Variants in GCN1 observed in about 807,000 individuals in gnomAD.
GCN1 encodes GCN1 activator of EIF2AK4.
GCN1 carries 90 observed loss-of-function variants against 288.4 expected under a neutral mutation model. The observed-to-expected ratio is 0.31, with a 90% CI of 0.26 to 0.37. The LOEUF (loss-of-function observed/expected upper bound fraction) is 0.37. Ranked by LOEUF, GCN1 falls within the 10% of genes least tolerant of loss-of-function variation. The probability of loss-of-function intolerance (pLI) is 1.00; values close to 1 mark genes in which losing one functional copy is unlikely to be tolerated. For synonymous variants in GCN1, 1,386 were observed against 1,420.2 expected, an observed-to-expected ratio of 0.98 and a Z score of 0.54; for missense variants, 2,586 against 3,419.9, an observed-to-expected ratio of 0.76 and a Z score of 6.08.
intron 3 of GCN1, 32 bp downstream of exon 3, chr12:120,184,792 C>T (rs748621228): frequency 2.7e-5 from 40 of 1,502,812 alleles, no homozygotes; most frequent in East Asian, 9.0e-5. Context: ...GTACAAAGTG[C>T]TCCACATATG....
chr12:120,128,033 CA>C, intron 57 of GCN1, 59 bp from the exon 58 acceptor site: 1 of 1,585,276 alleles, frequency 6.3e-7, no homozygotes, highest in Non-Finnish European at 8.6e-7. Context: ...CCACGTTCTC[CA>C]ATTGGAGAAA....
chr12:120,190,516 C>T (rs1566323049), intron 1 of GCN1, 116 bp from the exon 2 acceptor site: 2 of 675,382 alleles, frequency 3.0e-6, no homozygotes, highest in South Asian at 3.3e-5. Flanking sequence ...TTCTCAACCT[C>T]CCCACTGGTG....
At chr12:120,172,231 C>T (rs999335969) in intron 14 of GCN1, among the ~76,000 whole-genome samples, 3 of 152,124 alleles carry the variant, frequency 2.0e-5, no homozygotes, top group African/African-American at 7.2e-5. Flanking sequence ...ATGTATTGAG[C>T]GTACATTTCT....
At chr12:120,147,961 G>A (rs189180866) in intron 37 of GCN1, among the ~76,000 whole-genome samples, 9 of 152,322 alleles carry the variant, frequency 5.9e-5, no homozygotes, top group Admixed American at 5.9e-4. Context: ...ATTCAGTTCT[G>A]TTGACCTCAT....
Position 120,131,226 on chromosome 12 carries a change from C to G in GCN1, c.7522G>C (p.Asp2508His). Residue 2508 changes from aspartate to histidine, a missense_variant, in exon 55 of 58, where the codon GAT becomes CAT. Physicochemically the swap from Asp to His is moderately conservative, Grantham distance 81. Coordinates refer to ENST00000300648, the MANE Select transcript of GCN1 (RefSeq NM_006836.2). ...CTGCTCAGGATCATTTCCTGAACAT[C>G]ACTGCTATATCTGCCGGCACAAAGT... ...GRLCAGRYSS[D>H]VQEMILSSAT... 1 of 1,614,202 alleles carries G rather than the reference C, an allele frequency of 6.2e-7. No individual in the cohort carries two copies. Among genetic ancestry groups the G allele is most frequent in the South Asian group, 1.1e-5 (1 of 91,088 alleles).
intron 2 of GCN1, among the ~76,000 whole-genome samples, chr12:120,185,426 T>A (rs917768790): frequency 6.6e-6 from 1 of 152,092 alleles, no homozygotes; most frequent in Admixed American, 6.5e-5. Context: ...GAGAGGGAGA[T>A]ACATGTAGAG....
chr12:120,153,072 C>A lies in GCN1; in HGVS notation c.4062+141G>T, dbSNP rs553821971. On this transcript the variant is annotated intron_variant, in intron 33 of 57. Coordinates refer to ENST00000300648, the MANE Select transcript of GCN1 (RefSeq NM_006836.2). This position sits in a 1 kb window ranked among gnomAD's most constrained non-coding sequence, Gnocchi z 4.4. ...TGACTATAAACCAGGCTCTCCCCTG[C>A]GAGAGGGGGTGAATCCTTAACAAGA... 9.0e-6 allele frequency: 6 copies of A among 663,694 alleles called. No homozygotes were observed. Among genetic ancestry groups the A allele is most frequent in the South Asian group, 5.8e-5 (3 of 51,918 alleles). 41.1% of individuals were successfully genotyped at this position (663,694 alleles called of 1,614,324 possible).
intron 24 of GCN1, among the ~76,000 whole-genome samples, chr12:120,159,220 C>T: frequency 6.6e-6 from 1 of 152,170 alleles, no homozygotes; most frequent in South Asian, 2.1e-4. Flanking sequence ...CACCTCTACG[C>T]AACAAGCCCA....
chr12:120,176,321 G>T, intron 9 of GCN1, 104 bp from the exon 10 acceptor site: 1 of 743,894 alleles, frequency 1.3e-6, no homozygotes. Flanking sequence ...CTGCTGTCTG[G>T]CCCTTCATCT....
rs1566320556 is a variant in GCN1, at chr12:120,184,871, T to G, written c.138A>C (p.Ala46=). The part of the protein sequence containing the change: ...CVAGKDLPEG[A]VKGLCKLFCL... ...AGAACAATTTGCAGAGCCCCTTCAC[T>G]GCTCCCTCTGGAAGATCTGAAACCA... Residue 46 remains alanine (A), a synonymous_variant, in exon 3 of 58, where the codon GCA becomes GCC. Transcript: ENST00000300648. 3.1e-6 allele frequency: 5 copies of G among 1,611,714 alleles called. No individual in the cohort carries two copies. The highest frequency in any genetic ancestry group is 4.2e-6 in the Non-Finnish European group (5 of 1,178,088).
At chr12:120,135,453 T>A (rs575070114) in intron 51 of GCN1, among the ~76,000 whole-genome samples, 12 of 151,934 alleles carry the variant, frequency 7.9e-5, no homozygotes, top group African/African-American at 2.9e-4. Context: ...AACCTCCGCC[T>A]CCCGGGTTTA....
At chr12:120,132,204 A>G (rs1323970282) in intron 53 of GCN1, among the ~76,000 whole-genome samples, 182 bp from the exon 54 acceptor site, 1 of 152,230 alleles carries the variant, frequency 6.6e-6, no homozygotes, top group Non-Finnish European at 1.5e-5. Flanking sequence ...TTGGGCTGCC[A>G]CTGGTATGGA....
rs1877928385 is a variant in GCN1 at position 120,161,580 on chromosome 12, G to T, written c.2346C>A (p.Ala782=). 1 of 1,611,664 alleles carries T rather than the reference G, an allele frequency of 6.2e-7. No homozygotes were observed. Among genetic ancestry groups the T allele is most frequent in the African/African-American group, 1.3e-5 (1 of 74,950 alleles). The change falls in exon 22 of 58, where the codon GCC becomes GCA. Residue 782 remains alanine, a synonymous_variant. Transcript: ENST00000300648. ...TGGCCTTTTTTATGCTGTCCTGCTG[G>T]GCACTGAAACACCAGAGTGGGTCAT... ...ELYDKSIIQS[A]QQDSIKKANM...
Position 120,155,676 on chromosome 12 carries a change from T to C in GCN1, c.3356A>G (p.Asp1119Gly). ...CAGAAGGTTCAGGCCATTCTTCTCA[T>C]CAGTATCAGGTGCTGGCAATACCAT... is the stretch of plus-strand genomic sequence containing the variant. Reference protein sequence around the residue: ...LHMVLPAPDTDEKNGLNLLRR... With the variant: ...LHMVLPAPDTGEKNGLNLLRR... Residue 1119 changes from aspartate to glycine, a missense_variant, in exon 29 of 58, where the codon GAT (aspartate) becomes GGT (glycine). This residue lies in a region of GCN1 where 332 missense variants were observed against 403.0 expected (regional missense o/e 0.82). Coordinates refer to ENST00000300648, the MANE Select transcript of GCN1 (RefSeq NM_006836.2). The surrounding 1 kb of genome is among the most constrained non-coding windows in gnomAD (Gnocchi z 4.9). 1 of 1,613,948 alleles carries C rather than the reference T, an allele frequency of 6.2e-7. No homozygotes were observed. The highest frequency in any genetic ancestry group is 8.5e-7 in the Non-Finnish European group (1 of 1,179,894).
chr12:120,161,653 A>G (rs1877931021), intron 21 of GCN1, 70 bp from the exon 22 acceptor site: 2 of 1,161,594 alleles, frequency 1.7e-6, no homozygotes, highest in African/African-American at 1.5e-5. Context: ...CCCGCCAGCC[A>G]TGCAATTCCA....
At position 120,144,826 on chromosome 12, in the gene GCN1, T is replaced by G. The variant is rs749212028; in HGVS notation, c.5165A>C (p.Glu1722Ala). ...DRSGAAQGLA[E>A]VMAGLGVEKL... ...CTCCACCCCCAAACCGGCCATGACC[T>G]CAGCCAACCCTGCAACAAAGGACAG... The change falls in exon 41 of 58, where the codon GAG (glutamate) becomes GCG (alanine). Residue 1722 changes from glutamate to alanine, a missense_variant. By Grantham distance (107) the Glu-to-Ala change is moderately radical. This residue lies in a region of GCN1 where 371 missense variants were observed against 572.6 expected (regional missense o/e 0.65). Coordinates refer to ENST00000300648, the MANE Select transcript of GCN1 (RefSeq NM_006836.2). This position sits in a 1 kb window ranked among gnomAD's most constrained non-coding sequence, Gnocchi z 4.7. 6.2e-7 allele frequency: 1 copy of G among 1,614,006 alleles called. No homozygotes were observed. Among genetic ancestry groups the G allele is most frequent in the African/African-American group, 1.3e-5 (1 of 74,924 alleles).
intron 22 of GCN1, 106 bp downstream of exon 22, chr12:120,161,384 G>C (rs1017512694): frequency 2.7e-6 from 2 of 733,322 alleles, no homozygotes; most frequent in African/African-American, 3.5e-5. Flanking sequence ...TGTGCCATGG[G>C]CCTCAGGATG....
At chr12:120,150,084 C>T (rs769207497) in intron 34 of GCN1, 41 bp from the exon 35 acceptor site, 1 of 1,608,580 alleles carries the variant, frequency 6.2e-7, no homozygotes, top group Non-Finnish European at 8.5e-7. Flanking sequence ...AGAGAATGTC[C>T]CCTGGGGGTA....
chr12:120,192,346 C>G (rs1594293723), intron 1 of GCN1, among the ~76,000 whole-genome samples: 1 of 152,184 alleles, frequency 6.6e-6, no homozygotes, highest in East Asian at 1.9e-4. Flanking sequence ...TTGGGTGAAG[C>G]ACAGCCTCCA....
Sources: allele counts gnomAD v4.1 joint callset (sites outside exome capture counted in the v4.1 genomes callset), GRCh38; gene constraint gnomAD v4.1.1; regional missense constraint gnomAD v4.1.1; non-coding constraint Gnocchi (gnomAD v3.1); transcripts MANE v1.5; gene names NCBI Gene and HGNC (gene_info 2026-07-23, HGNC 2026-07-21).